The following BCL9 variants were observed in gnomAD, a reference collection of about 807,000 sequenced individuals.
The protein encoded by BCL9 is BCL9 transcription coactivator.
BCL9 carries 25 observed loss-of-function variants against 88.5 expected under a neutral mutation model. That is an observed-to-expected ratio of 0.28 (90% CI 0.21 to 0.39). The LOEUF is 0.39. Ranked by LOEUF, BCL9 falls within the 10% of genes least tolerant of loss-of-function variation. BCL9 has a pLI of 1.00. For missense variants in BCL9, 1,817 were observed against 1,877.8 expected, an observed-to-expected ratio of 0.97 and a Z score of 0.60; for synonymous variants, 711 against 673.3, an observed-to-expected ratio of 1.06 and a Z score of -0.87.
intron 1 of BCL9, among the ~76,000 whole-genome samples, chr1:147,552,593 T>C (rs587628246): frequency 6.6e-6 from 1 of 152,068 alleles, no homozygotes; most frequent in East Asian, 1.9e-4. Context: ...GCAAAAAGAG[T>C]GAAACTCTGT....
At chr1:147,566,396 C>A (rs587731119) in intron 1 of BCL9, among the ~76,000 whole-genome samples, 97 of 152,180 alleles carry the variant, frequency 6.4e-4, no homozygotes, top group Non-Finnish European at 1.2e-3. Flanking sequence ...TCAGGGGACC[C>A]CCCTGAAGAA....
intron 1 of BCL9, among the ~76,000 whole-genome samples, chr1:147,572,752 G>A (rs927081435): frequency 3.9e-5 from 6 of 152,186 alleles, no homozygotes; most frequent in African/African-American, 1.4e-4. Context: ...GCTAATTTTT[G>A]TATTTTTAGT....
intron 1 of BCL9, among the ~76,000 whole-genome samples, chr1:147,588,602 TG>T (rs1159145449): frequency 6.6e-6 from 1 of 151,810 alleles, no homozygotes; most frequent in Non-Finnish European, 1.5e-5. Context: ...TGGGGCGGGG[TG>T]GGGCGAGGCC....
chr1:147,585,799 G>A (rs191740491), intron 1 of BCL9, among the ~76,000 whole-genome samples: 1 of 152,174 alleles, frequency 6.6e-6, no homozygotes, highest in Non-Finnish European at 1.5e-5. Flanking sequence ...GTTGCTCTTC[G>A]CAGCACTCCC....
In BCL9 at chr1:147,625,278, G is replaced by T; in HGVS notation, c.*319G>T. On this transcript the variant is annotated 3_prime_UTR_variant, in exon 10 of 10. Coordinates refer to ENST00000234739, the MANE Select transcript of BCL9 (RefSeq NM_004326.4). Reference sequence around the variant, plus strand: ...ATTGCCATCGGTCATGTGTTGCACCGTTCTCTGTATGTTTACGTCCTTTGG... The same window carrying T: ...ATTGCCATCGGTCATGTGTTGCACCTTTCTCTGTATGTTTACGTCCTTTGG... 1 of 323,126 alleles carries T rather than the reference G, an allele frequency of 3.1e-6. No homozygotes were observed. Among genetic ancestry groups the T allele is most frequent in the African/African-American group, 2.1e-5 (1 of 47,908 alleles). The allele number at this position is 323,126 out of a possible 1,614,324, so 20.0% of individuals were successfully genotyped here.
intron 1 of BCL9, among the ~76,000 whole-genome samples, chr1:147,576,909 T>C (rs782800035): frequency 4.6e-5 from 7 of 152,162 alleles, no homozygotes; most frequent in Non-Finnish European, 8.8e-5. Context: ...GCAGAATCTA[T>C]CCGTTATCGT....
At chr1:147,592,197 G>C (rs782499466) in intron 1 of BCL9, among the ~76,000 whole-genome samples, 5 of 152,172 alleles carry the variant, frequency 3.3e-5, no homozygotes, top group Non-Finnish European at 5.9e-5. Flanking sequence ...AAGAGCAGTT[G>C]ATACAGAACC....
chr1:147,585,400 C>T (rs748733779), intron 1 of BCL9, among the ~76,000 whole-genome samples: 3 of 152,008 alleles, frequency 2.0e-5, no homozygotes, highest in Non-Finnish European at 2.9e-5. Context: ...ACAAAGAGTA[C>T]AGCTTGGGGG....
At chr1:147,550,447 T>C (rs1654839017) in intron 1 of BCL9, among the ~76,000 whole-genome samples, 1 of 152,130 alleles carries the variant, frequency 6.6e-6, no homozygotes, top group Non-Finnish European at 1.5e-5. Context: ...ATGAGAACAA[T>C]GGCAAATTTA....
chr1:147,591,135 G>A (rs1656826241), intron 1 of BCL9, among the ~76,000 whole-genome samples: 1 of 152,058 alleles, frequency 6.6e-6, no homozygotes, highest in Admixed American at 6.5e-5. Flanking sequence ...TTTCTCATCT[G>A]TAAAATGGGT....
chr1:147,565,732 A>G (rs1655567258), intron 1 of BCL9, among the ~76,000 whole-genome samples: 1 of 152,200 alleles, frequency 6.6e-6, no homozygotes. Context: ...AGAATTTGGA[A>G]TGGAGATTGT....
intron 1 of BCL9, among the ~76,000 whole-genome samples, chr1:147,594,814 G>T (rs940305266): frequency 1.4e-4 from 21 of 152,246 alleles, no homozygotes; most frequent in Admixed American, 1.4e-3. Flanking sequence ...CATTTTGGTA[G>T]AATGGTTGGG....
intron 1 of BCL9, 43 bp downstream of exon 1, chr1:147,541,717 G>T (rs1038340411): frequency 6.6e-6 from 1 of 152,088 alleles, no homozygotes; most frequent in Admixed American, 6.5e-5. Context: ...AGGCTTGTTC[G>T]CCTGTGCCTG....
Position 147,615,898 on chromosome 1 carries a change from C to T in BCL9, c.656C>T (p.Pro219Leu). 1.2e-6 allele frequency: 2 copies of T among 1,611,700 alleles called. No individual in the cohort carries two copies. The highest frequency in any genetic ancestry group is 1.7e-6 in the Non-Finnish European group (2 of 1,177,874). ...AACAAGACAGAGAGAAGCACAGCGC[C>T]TCTGGTATGTTGTTTCAGAAACTGA... ...SNNKTERSTA[P>L]LNTQISALRN... Residue 219 changes from proline (P) to leucine (L), a missense_variant, in exon 7 of 10, where the codon CCT (proline) becomes CTT (leucine). Pro to Leu is a moderately conservative substitution (Grantham distance 98). Coordinates refer to ENST00000234739, the MANE Select transcript of BCL9 (RefSeq NM_004326.4).
At chr1:147,559,118 C>G (rs1487561504) in intron 1 of BCL9, among the ~76,000 whole-genome samples, 7 of 103,684 alleles carry the variant, frequency 6.8e-5, no homozygotes, top group African/African-American at 2.7e-4. Flanking sequence ...TTTTTTCTTT[C>G]TTTCTTCTTC....
chr1:147,575,768 C>CA (rs1280717763), intron 1 of BCL9, among the ~76,000 whole-genome samples: 1 of 152,082 alleles, frequency 6.6e-6, no homozygotes, highest in Non-Finnish European at 1.5e-5. Flanking sequence ...TTTTTGTGTG[C>CA]ATATTCAAAT....
At chr1:147,565,755 T>C (rs587688615) in intron 1 of BCL9, among the ~76,000 whole-genome samples, 13 of 152,296 alleles carry the variant, frequency 8.5e-5, no homozygotes, top group Non-Finnish European at 1.5e-4. Context: ...TCTCCCAGGA[T>C]TGCATGCAAT....
chr1:147,547,030 G>A (rs1445544968), intron 1 of BCL9, among the ~76,000 whole-genome samples: 1 of 151,606 alleles, frequency 6.6e-6, no homozygotes, highest in Admixed American at 6.6e-5. Flanking sequence ...CTCACATGTT[G>A]TTTTGAGGAT....
At position 147,625,166 on chromosome 1, in the gene BCL9, T is replaced by A. The variant is rs1345303721; in HGVS notation, c.*207T>A. The A allele has an allele frequency of 1.7e-6, 1 of 588,086 alleles. No homozygotes were observed. The highest frequency in any genetic ancestry group is 1.9e-5 in the African/African-American group (1 of 53,726). 36.4% of individuals were successfully genotyped at this position (588,086 alleles called of 1,614,324 possible). On this transcript the variant is annotated 3_prime_UTR_variant, in exon 10 of 10. Transcript: ENST00000234739. ...ATTTAATCAACAGGTGTGTTTTTTT[T>A]AAGATTTATTTTTTAAAAATTATTT...
Sources: gnomAD v4.1 joint callset for allele counts (sites outside exome capture counted in the v4.1 genomes callset) on GRCh38, gnomAD v4.1.1 for gene constraint, MANE v1.5 for transcripts, NCBI Gene and HGNC (gene_info 2026-07-23, HGNC 2026-07-21) for gene names.